ENTREP1: variants seen among roughly 807,000 people sequenced by gnomAD.
ENTREP1 encodes the protein Friedreich ataxia region gene X123.
chr9:69,387,880 A>G, the ENTREP1 span: 3 of 1,358,312 alleles, frequency 2.2e-6, no homozygotes, highest in African/African-American at 4.4e-5. Context: ...TATGGTTTGC[A>G]TTCTGGATTC....
At chr9:69,391,111 C>T in the ENTREP1 span, among the ~76,000 whole-genome samples, 3 of 152,286 alleles carry the variant, frequency 2.0e-5, no homozygotes, top group East Asian at 3.9e-4. Flanking sequence ...AACCCATCAC[C>T]TGGTCCCAAT....
chr9:69,388,370 G>T, the ENTREP1 span: 25 of 1,614,012 alleles, frequency 1.5e-5, no homozygotes, highest in Non-Finnish European at 2.0e-5. Flanking sequence ...CCATGAACTT[G>T]TAGAAAACAT....
the ENTREP1 span, chr9:69,377,299 A>G: frequency 2.1e-6 from 2 of 931,172 alleles, no homozygotes; most frequent in Middle Eastern, 2.1e-4. Context: ...TATTATTTTA[A>G]AGATTTTCTA....
the ENTREP1 span, chr9:69,383,833 C>G: frequency 3.1e-6 from 5 of 1,587,588 alleles, no homozygotes; most frequent in Non-Finnish European, 4.3e-6. Context: ...ACCCCCTGCC[C>G]CCAGAGAACA....
the ENTREP1 span, chr9:69,391,887 CAAAA>C: frequency 1.6e-6 from 2 of 1,284,468 alleles, no homozygotes; most frequent in South Asian, 2.7e-5. Context: ...TGGTCCACCT[CAAAA>C]AAAAGGAGCA....
At chr9:69,361,019 T>G in the ENTREP1 span, among the ~76,000 whole-genome samples, 1 of 152,324 alleles carries the variant, frequency 6.6e-6, no homozygotes, top group Admixed American at 6.5e-5. Context: ...CCATAGAATT[T>G]TGGCTTTCCA....
chr9:69,352,392 T>A, the ENTREP1 span, among the ~76,000 whole-genome samples: 1 of 152,210 alleles, frequency 6.6e-6, no homozygotes, highest in Non-Finnish European at 1.5e-5. Flanking sequence ...ATGCTGGGAT[T>A]ACAAGCGTGA....
chr9:69,325,347 C>G, the ENTREP1 span: 1 of 1,181,710 alleles, frequency 8.5e-7, no homozygotes, highest in Non-Finnish European at 1.0e-6. Flanking sequence ...TCCTGCTGCC[C>G]CGTGGCTGGG....
chr9:69,336,334 TA>T, the ENTREP1 span: 2 of 957,754 alleles, frequency 2.1e-6, no homozygotes, highest in Admixed American at 2.2e-5. Context: ...TCTGTTCATA[TA>T]AACCACTGAA....
At chr9:69,371,649 C>A in the ENTREP1 span, 1 of 1,340,206 alleles carries the variant, frequency 7.5e-7, no homozygotes, top group Non-Finnish European at 1.1e-6. Flanking sequence ...CTAGGCAGAC[C>A]CTGGCTTGTC....
the ENTREP1 span, chr9:69,382,567 CGAG>C: frequency 1.3e-5 from 2 of 152,128 alleles, no homozygotes; most frequent in African/African-American, 4.8e-5. Context: ...TAGAGGAAAA[CGAG>C]GGAGTGCTTT....
chr9:69,373,259 T>G, the ENTREP1 span, among the ~76,000 whole-genome samples: 1 of 152,148 alleles, frequency 6.6e-6, no homozygotes, highest in Non-Finnish European at 1.5e-5. Context: ...ACAGACATAA[T>G]CAACAGGATC....
At chr9:69,365,042 G>A in the ENTREP1 span, among the ~76,000 whole-genome samples, 1 of 152,178 alleles carries the variant, frequency 6.6e-6, no homozygotes, top group African/African-American at 2.4e-5. Flanking sequence ...TATGATCTCA[G>A]AATCCTGCCT....
chr9:69,349,817 C>G, the ENTREP1 span, among the ~76,000 whole-genome samples: 335 of 152,210 alleles, frequency 2.2e-3, 1 homozygote, highest in African/African-American at 7.6e-3. Context: ...AACACAAAGC[C>G]TATTTTATAA....
the ENTREP1 span, among the ~76,000 whole-genome samples, chr9:69,385,627 A>T: frequency 6.6e-6 from 1 of 152,196 alleles, no homozygotes; most frequent in African/African-American, 2.4e-5. Flanking sequence ...GTAGTCAGTG[A>T]TGTAAAAACT....
chr9:69,371,694 C>A, the ENTREP1 span: 1 of 900,628 alleles, frequency 1.1e-6, no homozygotes, highest in Non-Finnish European at 1.9e-6. Flanking sequence ...CATTCAGCAT[C>A]AGGCAACTGT....
chr9:69,332,935 C>T, the ENTREP1 span, among the ~76,000 whole-genome samples: 102 of 152,144 alleles, frequency 6.7e-4, no homozygotes, highest in African/African-American at 3.6e-4. Context: ...TGATTGAATA[C>T]GTTAAGTACA....
At chr9:69,388,413 T>A in the ENTREP1 span, 1 of 1,611,064 alleles carries the variant, frequency 6.2e-7, no homozygotes, top group Non-Finnish European at 8.5e-7. Context: ...GAGGAGCACA[T>A]GGAGGAAGCC....
At chr9:69,357,449 A>T in the ENTREP1 span, among the ~76,000 whole-genome samples, 1 of 152,148 alleles carries the variant, frequency 6.6e-6, no homozygotes, top group Non-Finnish European at 1.5e-5. Context: ...ATATGAGTAA[A>T]CCTGGCACTT....
Sources: allele counts gnomAD v4.1 joint callset (sites outside exome capture counted in the v4.1 genomes callset), GRCh38; gene constraint gnomAD v4.1.1; transcripts MANE v1.5; gene names NCBI Gene and HGNC (gene_info 2026-07-23, HGNC 2026-07-21).